RIMS2: variants seen among roughly 807,000 people sequenced by gnomAD.
The protein encoded by RIMS2 is regulating synaptic membrane exocytosis 2.
Under a neutral mutation model 174.4 loss-of-function variants are expected in RIMS2, and 59 were observed. That is an observed-to-expected ratio of 0.34 (90% CI 0.27 to 0.42). RIMS2 has a LOEUF of 0.42. Among genes scored for constraint, RIMS2 ranks in the 10% least tolerant of loss-of-function variants. The pLI, the probability that RIMS2 is intolerant of heterozygous loss-of-function variation, is 1.00. For missense variants in RIMS2, 1,620 were observed against 1,666.3 expected (o/e 0.97, Z 0.48); for synonymous variants, 606 against 572.5 (o/e 1.06, Z -0.84).
chr8:103,747,548 A>T (rs1186773936), intron 2 of RIMS2, among the ~76,000 whole-genome samples: 1 of 152,156 alleles, frequency 6.6e-6, no homozygotes, highest in African/African-American at 2.4e-5. Context: ...CTGGAAGATT[A>T]GTTATGAAGA....
chr8:103,886,307 ATAGGTATTAC>A, intron 4 of RIMS2, 84 bp downstream of exon 7: 15 of 1,145,806 alleles, frequency 1.3e-5, no homozygotes, highest in Non-Finnish European at 1.8e-5. Flanking sequence ...TGAAAATTTA[ATAGGTATTAC>A]TAGTAGCTTT....
chr8:103,633,818 T>C (rs765562516), intron 1 of RIMS2, among the ~76,000 whole-genome samples: 3 of 152,202 alleles, frequency 2.0e-5, no homozygotes, highest in Non-Finnish European at 2.9e-5. Context: ...TTTGTGTGCG[T>C]AGAGGTTTTT....
At chr8:104,191,596 GT>G (rs1489569757) in intron 19 of RIMS2, among the ~76,000 whole-genome samples, 1 of 152,078 alleles carries the variant, frequency 6.6e-6, no homozygotes, top group Non-Finnish European at 1.5e-5. Flanking sequence ...AGCTTTAGCC[GT>G]TTCAAGGAAA....
chr8:103,651,205 C>G (rs796605349), intron 1 of RIMS2, among the ~76,000 whole-genome samples: 23 of 152,344 alleles, frequency 1.5e-4, no homozygotes, highest in African/African-American at 5.1e-4. Context: ...TGACAGCTTC[C>G]CTTTGCTCCG....
intron 21 of RIMS2, 101 bp downstream of exon 27, chr8:104,248,914 T>G: frequency 3.4e-6 from 2 of 595,526 alleles, no homozygotes; most frequent in East Asian, 5.8e-5. Context: ...TCTCTCTCTT[T>G]CCCTCTCTCT....
intron 19 of RIMS2, chr8:104,068,512 G>A (rs749705604): frequency 2.2e-5 from 31 of 1,396,134 alleles, no homozygotes; most frequent in Non-Finnish European, 3.0e-5. Flanking sequence ...TACTCGATAG[G>A]TACTATGGAT....
chr8:104,193,027 A>G (rs1020631819), intron 19 of RIMS2, among the ~76,000 whole-genome samples: 8 of 151,854 alleles, frequency 5.3e-5, no homozygotes, highest in Non-Finnish European at 8.8e-5. Context: ...ACACTGAGAG[A>G]AAGAGTCTGC....
At chr8:103,919,800 TC>T (rs2154529195) in intron 9 of RIMS2, among the ~76,000 whole-genome samples, 1 of 152,296 alleles carries the variant, frequency 6.6e-6, no homozygotes, top group African/African-American at 2.4e-5. Flanking sequence ...TGATTTAGTA[TC>T]TTTGGCTACG....
At chr8:104,133,575 A>G (rs1047175412) in intron 19 of RIMS2, among the ~76,000 whole-genome samples, 1 of 152,232 alleles carries the variant, frequency 6.6e-6, no homozygotes, top group South Asian at 2.1e-4. Context: ...GCAGACTGCC[A>G]TAAAATGATT....
chr8:103,946,363 G>A (rs1009994125), intron 14 of RIMS2, among the ~76,000 whole-genome samples: 6 of 152,036 alleles, frequency 3.9e-5, no homozygotes, highest in African/African-American at 1.4e-4. Flanking sequence ...GTGGTGGCAG[G>A]CGCCTGTAAT....
chr8:103,651,634 T>C (rs2096454447), intron 1 of RIMS2, among the ~76,000 whole-genome samples: 1 of 152,198 alleles, frequency 6.6e-6, no homozygotes, highest in African/African-American at 2.4e-5. Flanking sequence ...GTTGTTTGCA[T>C]AATTAACTTA....
At chr8:104,000,791 T>A (rs1245923319) in intron 17 of RIMS2, among the ~76,000 whole-genome samples, 2 of 152,018 alleles carry the variant, frequency 1.3e-5, no homozygotes, top group East Asian at 1.9e-4. Context: ...GGTTTTGATT[T>A]GCATTTCTCT....
At chr8:104,160,320 C>T (rs927792579) in intron 19 of RIMS2, among the ~76,000 whole-genome samples, 1 of 152,114 alleles carries the variant, frequency 6.6e-6, no homozygotes, top group East Asian at 1.9e-4. Context: ...TGTTAGAATG[C>T]ATGTATGAAT....
At chr8:103,752,540 G>T (rs574175560) in intron 2 of RIMS2, among the ~76,000 whole-genome samples, 1 of 152,100 alleles carries the variant, frequency 6.6e-6, no homozygotes, top group East Asian at 1.9e-4. Context: ...ATTACCTTGG[G>T]CAGTGTGGCC....
intron 3 of RIMS2, among the ~76,000 whole-genome samples, chr8:103,875,694 C>T (rs1435615598): frequency 6.6e-6 from 1 of 152,012 alleles, no homozygotes; most frequent in Non-Finnish European, 1.5e-5. Flanking sequence ...ATACTGTTTT[C>T]CATAGAGGCT....
At chr8:104,240,170 C>T (rs2099279131) in intron 19 of RIMS2, among the ~76,000 whole-genome samples, 2 of 152,152 alleles carry the variant, frequency 1.3e-5, no homozygotes, top group African/African-American at 4.8e-5. Context: ...GGTTCAGTTA[C>T]GCCCATTCAG....
chr8:103,889,059 G>C (rs2099225520), intron 4 of RIMS2, among the ~76,000 whole-genome samples: 2 of 151,602 alleles, frequency 1.3e-5, no homozygotes. Context: ...AAGAGATTGA[G>C]TTATGTCTTG....
rs146537445 is a variant in RIMS2, at chr8:104,208,611, G to A, written c.3335-36305G>A. Among the ~76,000 whole-genome samples the A allele has an allele frequency of 2.2e-3, 330 of 152,116 alleles. 1 individual carries two copies. Among genetic ancestry groups the A allele is most frequent in the African/African-American group, 7.4e-3 (309 of 41,508 alleles). ...AAATGAAGAATACTTTCTGTAAAGG[G>A]TATCAGTATGACATAACAAGAGAAA... On this transcript the variant is annotated intron_variant, in intron 19 of 23. Coordinates refer to ENST00000504942, the Ensembl canonical transcript of RIMS2.
chr8:103,631,588 A>G (rs1016241490), intron 1 of RIMS2, among the ~76,000 whole-genome samples: 7 of 152,060 alleles, frequency 4.6e-5, no homozygotes, highest in Non-Finnish European at 8.8e-5. Context: ...TTTTCTCTTC[A>G]CCTAGGATTG....
Sources: allele counts gnomAD v4.1 joint callset (sites outside exome capture counted in the v4.1 genomes callset), GRCh38; gene constraint gnomAD v4.1.1; transcripts MANE v1.5; gene names NCBI Gene and HGNC (gene_info 2026-07-23, HGNC 2026-07-21).